Variants in CFDP1 observed in about 807,000 individuals in gnomAD.
CFDP1 encodes chromatin remodeling protein CFDP1, also known as heterochromatin-stabilizing protein CFDP1.
Under a neutral mutation model 40.1 loss-of-function variants are expected in CFDP1, and 31 were observed. The observed-to-expected ratio is 0.77, with a 90% CI of 0.58 to 1.04. The LOEUF (loss-of-function observed/expected upper bound fraction) is 1.04, where lower values mean the gene tolerates loss of function less well. CFDP1 is among the 50% of genes least tolerant of loss of function. CFDP1 has a pLI of 0.00. For synonymous variants in CFDP1, 167 were observed against 120.0 expected, an observed-to-expected ratio of 1.39 and a Z score of -2.56; for missense variants, 423 against 343.4, an observed-to-expected ratio of 1.23 and a Z score of -1.83.
intron 6 of CFDP1, among the ~76,000 whole-genome samples, chr16:75,295,834 G>A (rs1055351963): frequency 6.6e-6 from 1 of 152,176 alleles, no homozygotes; most frequent in African/African-American, 2.4e-5. Flanking sequence ...GATAAAAAGA[G>A]AAAAAGGGAA....
intron 5 of CFDP1, among the ~76,000 whole-genome samples, chr16:75,331,878 A>C (rs1289961602): frequency 1.3e-5 from 2 of 152,192 alleles, no homozygotes; most frequent in Admixed American, 6.5e-5. Context: ...CTTTAATGCC[A>C]AACAGTTCTC....
chr16:75,393,513 T>C (rs529873027), intron 5 of CFDP1, among the ~76,000 whole-genome samples: 1 of 151,912 alleles, frequency 6.6e-6, no homozygotes, highest in Non-Finnish European at 1.5e-5. Context: ...GGGTGGATCA[T>C]GAGGTCAGGA....
intron 5 of CFDP1, among the ~76,000 whole-genome samples, chr16:75,311,912 T>C (rs892479805): frequency 1.4e-4 from 22 of 152,206 alleles, no homozygotes; most frequent in African/African-American, 5.1e-4. Context: ...TCAGGAATTT[T>C]TGTAGCTCAT....
At chr16:75,390,985 C>T (rs1049511860) in intron 5 of CFDP1, among the ~76,000 whole-genome samples, 2 of 152,192 alleles carry the variant, frequency 1.3e-5, no homozygotes, top group African/African-American at 4.8e-5. Context: ...CTCCCTAATG[C>T]AGATATCATC....
chr16:75,425,737 A>T (rs1478907578), intron 1 of CFDP1, among the ~76,000 whole-genome samples: 1 of 151,690 alleles, frequency 6.6e-6, no homozygotes, highest in Admixed American at 6.6e-5. Context: ...CTGATTTTTT[A>T]AAAAAGTAAA....
At chr16:75,417,432 T>C (rs1646401493) in intron 1 of CFDP1, among the ~76,000 whole-genome samples, 1 of 152,002 alleles carries the variant, frequency 6.6e-6, no homozygotes, top group African/African-American at 2.4e-5. Context: ...ACCTCCAAGA[T>C]ATACTCTTAA....
At chr16:75,400,042 G>A (rs372507004) in intron 4 of CFDP1, among the ~76,000 whole-genome samples, 83 of 150,030 alleles carry the variant, frequency 5.5e-4, no homozygotes, top group African/African-American at 1.8e-3. Flanking sequence ...TGGAGGTTGC[G>A]GTGAGCCGAG....
chr16:75,340,840 A>G (rs994927927), intron 5 of CFDP1, among the ~76,000 whole-genome samples: 1 of 152,160 alleles, frequency 6.6e-6, no homozygotes, highest in Non-Finnish European at 1.5e-5. Flanking sequence ...TGCGAGGACC[A>G]GCTTCTTCAT....
intron 5 of CFDP1, among the ~76,000 whole-genome samples, chr16:75,355,475 C>T (rs570664556): frequency 2.2e-4 from 34 of 152,280 alleles, no homozygotes; most frequent in Admixed American, 2.2e-3. Context: ...GAGTAGATTC[C>T]ATCTTAAGAA....
chr16:75,358,887 T>C (rs1045385549), intron 5 of CFDP1, among the ~76,000 whole-genome samples: 8 of 152,170 alleles, frequency 5.3e-5, no homozygotes, highest in African/African-American at 1.9e-4. Flanking sequence ...TTGTTGAGAA[T>C]GTCTAATGAA....
chr16:75,311,770 ATTTTTTT>A (rs548463039), intron 5 of CFDP1, among the ~76,000 whole-genome samples: 3 of 141,792 alleles, frequency 2.1e-5, no homozygotes, highest in African/African-American at 5.2e-5. Context: ...GACCTTTACA[ATTTTTTT>A]TTTTTTTTTT....
chr16:75,382,954 T>G (rs909437953), intron 5 of CFDP1, among the ~76,000 whole-genome samples: 1 of 152,230 alleles, frequency 6.6e-6, no homozygotes, highest in Non-Finnish European at 1.5e-5. Context: ...CATTCTCAAA[T>G]TAGCAACTAC....
intron 1 of CFDP1, among the ~76,000 whole-genome samples, chr16:75,430,259 C>T (rs546750599): frequency 2.6e-5 from 4 of 152,114 alleles, no homozygotes; most frequent in African/African-American, 7.2e-5. Context: ...CAACCCCACG[C>T]CCCTGGTTCA....
chr16:75,331,208 T>G (rs1204889825), intron 5 of CFDP1, among the ~76,000 whole-genome samples: 1 of 152,240 alleles, frequency 6.6e-6, no homozygotes, highest in African/African-American at 2.4e-5. Context: ...CATTTTCATC[T>G]TTCCCAGGGT....
intron 2 of CFDP1, 78 bp from the exon 3 acceptor site, chr16:75,412,832 A>T: frequency 1.7e-6 from 2 of 1,156,190 alleles, no homozygotes; most frequent in Non-Finnish European, 1.3e-6. Context: ...TCCCAAAGGT[A>T]ATCTTATAAA....
At chr16:75,299,801 T>A (rs1179996379) in intron 6 of CFDP1, among the ~76,000 whole-genome samples, 1 of 151,968 alleles carries the variant, frequency 6.6e-6, no homozygotes, top group Non-Finnish European at 1.5e-5. Context: ...ACAACATGCA[T>A]CAGATGATAG....
At chr16:75,315,566 C>T (rs1436745139) in intron 5 of CFDP1, among the ~76,000 whole-genome samples, 3 of 152,034 alleles carry the variant, frequency 2.0e-5, no homozygotes, top group Non-Finnish European at 1.5e-5. Context: ...AAAAATCCCC[C>T]CAACTTTATA....
chr16:75,365,086 T>C (rs938934087), intron 5 of CFDP1, among the ~76,000 whole-genome samples: 1 of 152,228 alleles, frequency 6.6e-6, no homozygotes, highest in Admixed American at 6.5e-5. Context: ...GCTAGTTGTT[T>C]TTCCATAGCA....
intron 5 of CFDP1, among the ~76,000 whole-genome samples, chr16:75,385,269 T>C (rs1259308309): frequency 6.6e-6 from 1 of 152,078 alleles, no homozygotes; most frequent in Non-Finnish European, 1.5e-5. Context: ...CAATATATTA[T>C]CATAGCACAG....
Sources: gnomAD v4.1 joint callset for allele counts (sites outside exome capture counted in the v4.1 genomes callset) on GRCh38, gnomAD v4.1.1 for gene constraint, MANE v1.5 for transcripts, NCBI Gene and HGNC (gene_info 2026-07-23, HGNC 2026-07-21) for gene names.